IL10RB: variants seen among roughly 807,000 people sequenced by gnomAD.
IL10RB encodes interleukin 10 receptor subunit beta.
IL10RB carries 30 observed loss-of-function variants against 38.7 expected under a neutral mutation model. That is an observed-to-expected ratio of 0.78 (90% CI 0.58 to 1.05). The LOEUF (loss-of-function observed/expected upper bound fraction) is 1.05. Ranked by LOEUF, IL10RB falls within the 50% of genes least tolerant of loss-of-function variation. The pLI, the probability that IL10RB is intolerant of heterozygous loss-of-function variation, is 0.00. For synonymous variants in IL10RB, 142 were observed against 145.9 expected, an observed-to-expected ratio of 0.97 and a Z score of 0.19; for missense variants, 328 against 397.1, an observed-to-expected ratio of 0.83 and a Z score of 1.48.
chr21:33,291,886 G>A (rs2123599064), intron 6 of IL10RB, among the ~76,000 whole-genome samples: 1 of 152,260 alleles, frequency 6.6e-6, no homozygotes, highest in African/African-American at 2.4e-5. Flanking sequence ...CCGTGGGAGT[G>A]GGAGCCCCTT....
chr21:33,272,418 TTTTTA>T (rs969051873), intron 2 of IL10RB, among the ~76,000 whole-genome samples: 6 of 152,166 alleles, frequency 3.9e-5, no homozygotes, highest in African/African-American at 1.2e-4. Context: ...GCTCCTCACT[TTTTTA>T]TTTTATTTTA....
intron 2 of IL10RB, among the ~76,000 whole-genome samples, chr21:33,272,224 G>A (rs1989094987): frequency 1.3e-5 from 2 of 152,152 alleles, no homozygotes; most frequent in Non-Finnish European, 1.5e-5. Flanking sequence ...TGCTACCTTA[G>A]ACTATGAAGT....
At chr21:33,277,075 A>C (rs1989185063) in intron 3 of IL10RB, among the ~76,000 whole-genome samples, 1 of 152,200 alleles carries the variant, frequency 6.6e-6, no homozygotes, top group Non-Finnish European at 1.5e-5. Context: ...GGAGAAAGTC[A>C]GTATGGAATT....
intron 2 of IL10RB, among the ~76,000 whole-genome samples, chr21:33,275,481 A>G (rs1404725354): frequency 6.6e-6 from 1 of 151,554 alleles, no homozygotes; most frequent in Non-Finnish European, 1.5e-5. Flanking sequence ...CAGTTTCCTC[A>G]CCTCTTTAAG....
chr21:33,273,093 T>C (rs1035090794), intron 2 of IL10RB, among the ~76,000 whole-genome samples: 3 of 152,234 alleles, frequency 2.0e-5, no homozygotes, highest in African/African-American at 7.2e-5. Flanking sequence ...GTGAACGTCA[T>C]GCAGTGTACT....
chr21:33,286,699 A>T (rs1037542471), intron 5 of IL10RB, among the ~76,000 whole-genome samples: 1 of 152,030 alleles, frequency 6.6e-6, no homozygotes, highest in Non-Finnish European at 1.5e-5. Context: ...AAAATATTTT[A>T]AAAATTAGCT....
intron 3 of IL10RB, among the ~76,000 whole-genome samples, chr21:33,279,357 C>T (rs2123578351): frequency 6.6e-6 from 1 of 152,134 alleles, no homozygotes; most frequent in Middle Eastern, 3.4e-3. Context: ...ATAGAGATGC[C>T]ATCTGTAGCT....
At chr21:33,270,068 C>G (rs1328074715) in intron 2 of IL10RB, among the ~76,000 whole-genome samples, 1 of 152,194 alleles carries the variant, frequency 6.6e-6, no homozygotes, top group Non-Finnish European at 1.5e-5. Flanking sequence ...AGGATAATCT[C>G]TTACATCACA....
intron 3 of IL10RB, among the ~76,000 whole-genome samples, 163 bp from the exon 4 acceptor site, chr21:33,279,589 A>G (rs1167942097): frequency 6.6e-6 from 1 of 152,258 alleles, no homozygotes; most frequent in African/African-American, 2.4e-5. Context: ...AAAAGAAACT[A>G]AATCCAACTA....
chr21:33,288,168 ACTC>A lies in IL10RB; in HGVS notation c.715_717del (p.Leu239del). On this transcript the variant is annotated inframe_deletion, in exon 6 of 7. Coordinates refer to ENST00000290200, the MANE Select transcript of IL10RB (RefSeq NM_000628.5). ...CCTCGGTCTTCATGGTCTGCCTGGCACTCCTCGGCTGCTTCGCCTTGCTGTGGT... is the reference window on the plus strand; with the variant it reads ...CCTCGGTCTTCATGGTCTGCCTGGCACTCGGCTGCTTCGCCTTGCTGTGGT... The A allele has an allele frequency of 6.2e-7, 1 of 1,613,586 alleles. No homozygotes were observed. Among genetic ancestry groups the A allele is most frequent in the East Asian group, 2.2e-5 (1 of 44,844 alleles).
At chr21:33,274,825 T>C (rs1256236963) in intron 2 of IL10RB, among the ~76,000 whole-genome samples, 1 of 152,236 alleles carries the variant, frequency 6.6e-6, no homozygotes, top group African/African-American at 2.4e-5. Flanking sequence ...TAATCCAGTG[T>C]TGGCTTCAAC....
At chr21:33,285,710 T>G (rs892419371) in intron 5 of IL10RB, among the ~76,000 whole-genome samples, 1 of 152,186 alleles carries the variant, frequency 6.6e-6, no homozygotes, top group Non-Finnish European at 1.5e-5. Context: ...CATGGATCCC[T>G]GTTTGAATGA....
At chr21:33,288,596 A>G (rs2507737) in intron 6 of IL10RB, among the ~76,000 whole-genome samples, 56,997 of 151,954 alleles carry the variant, frequency 0.38, 11,528 homozygotes, top group Non-Finnish European at 0.45. Context: ...AGGAGGGGAA[A>G]AACAGAGCTC....
chr21:33,267,618 C>T (rs1301527285), intron 1 of IL10RB, among the ~76,000 whole-genome samples: 1 of 150,368 alleles, frequency 6.7e-6, no homozygotes, highest in Admixed American at 6.6e-5. Flanking sequence ...CGGGTTCAAG[C>T]GATTTTCCTC....
chr21:33,294,113 G>A (rs1027220932), intron 6 of IL10RB: 7 of 467,108 alleles, frequency 1.5e-5, no homozygotes, highest in Middle Eastern at 3.4e-4. Context: ...AGACTTGACC[G>A]TGGAGCCAGC....
At chr21:33,269,728 G>A (rs1026777276) in intron 2 of IL10RB, among the ~76,000 whole-genome samples, 6 of 149,226 alleles carry the variant, frequency 4.0e-5, no homozygotes, top group African/African-American at 1.2e-4. Context: ...GCGCGATCTC[G>A]GCTCACTGCA....
chr21:33,296,648 T>C lies in IL10RB; in HGVS notation c.*291T>C. The C allele has an allele frequency of 7.6e-6, 4 of 526,080 alleles. No homozygotes were observed. The highest frequency in any genetic ancestry group is 1.5e-5 in the Non-Finnish European group (4 of 275,368). 32.6% of individuals were successfully genotyped at this position (526,080 alleles called of 1,614,324 possible). A position where few individuals can be genotyped will look rare whatever the true frequency, so the allele number is the denominator to read the frequency against. On this transcript the variant is annotated 3_prime_UTR_variant, in exon 7 of 7. Transcript: ENST00000290200. ...TTTATATCACTAAAATAAGATCATG[T>C]TTTAATTGTGAGAAACAGGGCCGAG... is the stretch of plus-strand genomic sequence containing the variant.
chr21:33,305,878 C>T (rs989389104), intron 1 of IL10RB, among the ~76,000 whole-genome samples: 2 of 152,122 alleles, frequency 1.3e-5, no homozygotes, highest in African/African-American at 4.8e-5. Flanking sequence ...GTTGCTCAGG[C>T]TGGAGTGCAG....
Position 33,288,319 on chromosome 21 carries a change from T to C in IL10RB, c.804+58T>C. 2.0e-5 allele frequency: 31 copies of C among 1,512,324 alleles called. 1 individual carries two copies. In the South Asian group the frequency reaches 3.3e-4, roughly 16 times the overall value. 93.7% of individuals were successfully genotyped at this position (1,512,324 alleles called of 1,614,324 possible). A position where few individuals can be genotyped will look rare whatever the true frequency, so the allele number is the denominator to read the frequency against. ...AACCTTGATCGGAAAGAGCTTTCCT[T>C]TCTAGTTAGGGCTGCCCAATTCCAG... On this transcript the variant is annotated intron_variant, in intron 6 of 6. Coordinates refer to ENST00000290200, the MANE Select transcript of IL10RB (RefSeq NM_000628.5).
Sources: allele counts gnomAD v4.1 joint callset (sites outside exome capture counted in the v4.1 genomes callset), GRCh38; gene constraint gnomAD v4.1.1; transcripts MANE v1.5; gene names NCBI Gene and HGNC (gene_info 2026-07-23, HGNC 2026-07-21).